The following SEMA6D variants were observed in gnomAD, a reference collection of about 807,000 sequenced individuals.
SEMA6D encodes semaphorin-6D.
Under a neutral mutation model 106.6 loss-of-function variants are expected in SEMA6D, and 35 were observed. That is an observed-to-expected ratio of 0.33 (90% CI 0.25 to 0.44). The LOEUF is 0.44. Among genes scored for constraint, SEMA6D ranks in the 20% least tolerant of loss-of-function variants. The pLI is 1.00. For synonymous variants in SEMA6D, 499 were observed against 487.7 expected (o/e 1.02, Z -0.31); for missense variants, 1,185 against 1,345.9 (o/e 0.88, Z 1.87).
At chr15:47,240,590 A>C (rs2141752285) in intron 1 of SEMA6D, among the ~76,000 whole-genome samples, 1 of 152,214 alleles carries the variant, frequency 6.6e-6, no homozygotes. Flanking sequence ...TCTCCATGGA[A>C]TTTTTGCATC....
At chr15:47,763,771 C>A in intron 9 of SEMA6D, 79 bp from the exon 10 acceptor site, 1 of 1,251,280 alleles carries the variant, frequency 8.0e-7, no homozygotes, top group Non-Finnish European at 1.2e-6. Flanking sequence ...TTTTTTGTCC[C>A]TCCCTTAAAC....
intron 4 of SEMA6D, among the ~76,000 whole-genome samples, chr15:47,680,643 C>T (rs2145576798): frequency 1.3e-5 from 2 of 152,170 alleles, no homozygotes; most frequent in South Asian, 4.1e-4. Flanking sequence ...TCAATCTAAA[C>T]AATTACTAGA....
intron 3 of SEMA6D, among the ~76,000 whole-genome samples, chr15:47,597,204 A>G (rs915782070): frequency 1.3e-5 from 2 of 152,132 alleles, no homozygotes; most frequent in Non-Finnish European, 2.9e-5. Flanking sequence ...ATTACTAAAA[A>G]AATGATTGAA....
intron 1 of SEMA6D, among the ~76,000 whole-genome samples, chr15:47,382,198 T>G (rs1273426493): frequency 6.6e-6 from 1 of 152,168 alleles, no homozygotes; most frequent in Non-Finnish European, 1.5e-5. Flanking sequence ...AATTACATGA[T>G]GAGTCAAGCC....
rs1310578469 is a variant in SEMA6D at position 47,569,968 on chromosome 15, G to A, written c.-86-30897G>A. ...CCCAGCTACTCAGGAGGCTGAGGCG[G>A]GAGAATTGCTTGAACCTGGGAGGCA... On this transcript the variant is annotated intron_variant, in intron 3 of 19. Transcript: ENST00000558014. Among the ~76,000 whole-genome samples, 3 of 152,010 alleles carry A rather than the reference G, an allele frequency of 2.0e-5. No homozygotes were observed. In the East Asian group the frequency reaches 5.8e-4, roughly 30 times the overall value.
intron 1 of SEMA6D, chr15:47,380,705 A>G (rs553691076): frequency 6.6e-6 from 1 of 152,266 alleles, no homozygotes; most frequent in Non-Finnish European, 1.5e-5. Context: ...ACTAATGAGA[A>G]TCTGCTGAAG....
At chr15:47,537,514 G>A (rs1180625046) in intron 3 of SEMA6D, among the ~76,000 whole-genome samples, 2 of 152,114 alleles carry the variant, frequency 1.3e-5, no homozygotes, top group East Asian at 3.9e-4. Context: ...TAAGGCATTG[G>A]GAAGGCACTG....
chr15:47,679,618 G>A (rs1056038836), intron 4 of SEMA6D, among the ~76,000 whole-genome samples: 4 of 151,596 alleles, frequency 2.6e-5, no homozygotes, highest in Non-Finnish European at 5.9e-5. Context: ...TTTGTTTTTT[G>A]CTTTACAATT....
intron 3 of SEMA6D, among the ~76,000 whole-genome samples, chr15:47,502,263 G>A (rs531146228): frequency 1.4e-4 from 21 of 152,290 alleles, no homozygotes; most frequent in African/African-American, 4.3e-4. Context: ...CATGGTGATG[G>A]GACCCATCTC....
intron 1 of SEMA6D, among the ~76,000 whole-genome samples, chr15:47,372,612 C>T (rs535756501): frequency 6.6e-6 from 1 of 152,294 alleles, no homozygotes; most frequent in East Asian, 1.9e-4. Context: ...CCCTTTGGTA[C>T]ACTCTTTCCC....
chr15:47,624,550 A>G (rs2077168738), intron 4 of SEMA6D, among the ~76,000 whole-genome samples: 2 of 152,238 alleles, frequency 1.3e-5, no homozygotes, highest in Non-Finnish European at 2.9e-5. Flanking sequence ...AGATTAGAAA[A>G]TGATTTCATC....
chr15:47,273,044 T>C (rs1253883375), intron 1 of SEMA6D, among the ~76,000 whole-genome samples: 3 of 152,210 alleles, frequency 2.0e-5, no homozygotes, highest in Non-Finnish European at 4.4e-5. Context: ...ATGACCTTCT[T>C]TACTCGCCTG....
chr15:47,386,537 T>G (rs2039845292), intron 1 of SEMA6D, among the ~76,000 whole-genome samples: 1 of 152,138 alleles, frequency 6.6e-6, no homozygotes, highest in African/African-American at 2.4e-5. Context: ...TAGATAGGCG[T>G]GCAGTCTAAT....
intron 4 of SEMA6D, among the ~76,000 whole-genome samples, chr15:47,610,892 G>A (rs1261684455): frequency 6.6e-6 from 1 of 152,230 alleles, no homozygotes; most frequent in Admixed American, 6.5e-5. Flanking sequence ...TCATTTTGAA[G>A]TGGATTAAGT....
chr15:47,649,785 C>A (rs1247574110), intron 4 of SEMA6D, among the ~76,000 whole-genome samples: 2 of 151,856 alleles, frequency 1.3e-5, no homozygotes, highest in Admixed American at 6.5e-5. Context: ...CAAATGCCTA[C>A]AACTTTTCAA....
intron 3 of SEMA6D, among the ~76,000 whole-genome samples, chr15:47,576,288 A>G (rs1276374862): frequency 6.6e-6 from 1 of 152,180 alleles, no homozygotes; most frequent in Admixed American, 6.5e-5. Flanking sequence ...AATGCAGCTG[A>G]CCCCAGCACA....
intron 4 of SEMA6D, among the ~76,000 whole-genome samples, chr15:47,659,949 A>G (rs1191888727): frequency 6.6e-6 from 1 of 152,098 alleles, no homozygotes; most frequent in Non-Finnish European, 1.5e-5. Context: ...CTTAAGTGAT[A>G]CATATTAACT....
At chr15:47,536,202 A>G (rs7173754) in intron 3 of SEMA6D, among the ~76,000 whole-genome samples, 19,185 of 152,188 alleles carry the variant, frequency 0.13, 2,111 homozygotes, top group African/African-American at 0.3. Flanking sequence ...ACATAACCAT[A>G]AACTCTCTAC....
intron 2 of SEMA6D, among the ~76,000 whole-genome samples, chr15:47,435,884 A>G (rs2041684216): frequency 6.6e-6 from 1 of 152,052 alleles, no homozygotes; most frequent in East Asian, 1.9e-4. Context: ...GTATTTCCCC[A>G]TACTTTGTGG....
Sources: allele counts gnomAD v4.1 joint callset (sites outside exome capture counted in the v4.1 genomes callset), GRCh38; gene constraint gnomAD v4.1.1; transcripts MANE v1.5; gene names NCBI Gene and HGNC (gene_info 2026-07-23, HGNC 2026-07-21).